The following NRAP variants were observed in gnomAD, a reference collection of about 807,000 sequenced individuals.
The protein encoded by NRAP is nebulin related anchoring protein, also known as nebulin-related-anchoring protein.
A neutral mutation model predicts 225.9 loss-of-function variants in NRAP; 189 were observed. That is an observed-to-expected ratio of 0.84 (90% CI 0.74 to 0.94). NRAP has a LOEUF of 0.94. Ranked by LOEUF, NRAP falls within the 40% of genes least tolerant of loss-of-function variation. NRAP has a pLI of 0.00. For synonymous variants in NRAP, 769 were observed against 790.7 expected (o/e 0.97, Z 0.46); for missense variants, 2,176 against 2,168.7 (o/e 1.00, Z -0.07).
At chr10:113,605,966 A>G in intron 33 of NRAP, 97 bp from the exon 34 acceptor site, 1 of 969,772 alleles carries the variant, frequency 1.0e-6, no homozygotes, top group Non-Finnish European at 1.6e-6. Context: ...TCCAGAATCA[A>G]TTTCTGTTTT....
chr10:113,616,420 A>G (rs1434072428), intron 26 of NRAP, among the ~76,000 whole-genome samples: 2 of 152,202 alleles, frequency 1.3e-5, no homozygotes, highest in Non-Finnish European at 2.9e-5. Context: ...GATGTATCCA[A>G]GTTTCTACGT....
chr10:113,659,188 C>G (rs566062306), intron 3 of NRAP, among the ~76,000 whole-genome samples: 1 of 151,890 alleles, frequency 6.6e-6, no homozygotes, highest in Non-Finnish European at 1.5e-5. Flanking sequence ...TTTGTTTGTT[C>G]GTTTTTTGTT....
intron 29 of NRAP, among the ~76,000 whole-genome samples, chr10:113,612,990 G>A (rs929481194): frequency 6.6e-6 from 1 of 152,146 alleles, no homozygotes; most frequent in Non-Finnish European, 1.5e-5. Flanking sequence ...AGAGGGAGGG[G>A]AAGACCCATT....
At chr10:113,622,258 G>GT in intron 23 of NRAP, 78 bp from the exon 24 acceptor site, 1 of 970,006 alleles carries the variant, frequency 1.0e-6, no homozygotes, top group Non-Finnish European at 1.6e-6. Flanking sequence ...ATGCATGGGA[G>GT]CTGAAACAAA....
At chr10:113,645,704 A>C (rs1849461622) in intron 11 of NRAP, 121 bp downstream of exon 11, 1 of 584,028 alleles carries the variant, frequency 1.7e-6, no homozygotes, top group Non-Finnish European at 3.0e-6. Context: ...GGCGTGAGCC[A>C]CCGCACCTGG....
intron 41 of NRAP, 37 bp from the exon 42 acceptor site, chr10:113,589,116 C>CT (rs1564686090): frequency 6.4e-7 from 1 of 1,563,722 alleles, no homozygotes; most frequent in Non-Finnish European, 8.8e-7. Flanking sequence ...TAAAATGAAG[C>CT]TCCCCCACCC....
At chr10:113,634,532 G>A (rs771961142) in intron 14 of NRAP, among the ~76,000 whole-genome samples, 14 of 152,172 alleles carry the variant, frequency 9.2e-5, no homozygotes, top group African/African-American at 1.4e-4. Context: ...CTGAAGAGCC[G>A]AAGTTAAAAC....
intron 25 of NRAP, among the ~76,000 whole-genome samples, chr10:113,618,281 A>G (rs928963160): frequency 1.7e-4 from 26 of 152,248 alleles, no homozygotes; most frequent in African/African-American, 6.0e-4. Flanking sequence ...AACCATAATT[A>G]CTTCAATGAG....
rs1161772232 is a variant in NRAP at position 113,588,840 on chromosome 10, GTTA to G, written c.*132_*134del. On this transcript the variant is annotated 3_prime_UTR_variant, in exon 42 of 42. Transcript: ENST00000359988. ...ACAACATTCTCCATCTGCTTTCAGA[GTTA>G]TTATTTTAATAAAGGAAGATCTGGG... The G allele has an allele frequency of 2.3e-5, 16 of 700,012 alleles. No homozygotes were observed. The highest frequency in any genetic ancestry group is 2.8e-4 in the Middle Eastern group (1 of 3,626). The allele number at this position is 700,012 out of a possible 1,614,324, so 43.4% of individuals were successfully genotyped here. A position where few individuals can be genotyped will look rare whatever the true frequency, so the allele number is the denominator to read the frequency against.
At chr10:113,600,678 C>T (rs533732637) in intron 35 of NRAP, among the ~76,000 whole-genome samples, 1 of 152,276 alleles carries the variant, frequency 6.6e-6, no homozygotes, top group South Asian at 2.1e-4. Context: ...GAGGCAAGAG[C>T]TAGAAGCCTC....
intron 27 of NRAP, among the ~76,000 whole-genome samples, chr10:113,615,390 C>T (rs780051244): frequency 4.7e-4 from 72 of 152,282 alleles, no homozygotes; most frequent in African/African-American, 1.6e-3. Flanking sequence ...CTTGGTATAG[C>T]CACTGGATAT....
intron 18 of NRAP, 70 bp from the exon 19 acceptor site, chr10:113,629,855 G>T: frequency 9.1e-7 from 1 of 1,103,826 alleles, no homozygotes; most frequent in Non-Finnish European, 1.4e-6. Flanking sequence ...ATGTGAAAAT[G>T]CAGGAAAGAT....
At chr10:113,592,331 G>A (rs766430023) in intron 38 of NRAP, 30 bp from the exon 39 acceptor site, 1 of 1,440,656 alleles carries the variant, frequency 6.9e-7, no homozygotes, top group South Asian at 1.2e-5. Context: ...GCATGAGTAA[G>A]CAGGCAGTCA....
At chr10:113,625,917 G>A in intron 21 of NRAP, 130 bp downstream of exon 21, 1 of 595,718 alleles carries the variant, frequency 1.7e-6, no homozygotes, top group South Asian at 2.4e-5. Flanking sequence ...GGAAAGCTGG[G>A]TCCAGCCTAT....
rs1200992385 is a variant in NRAP at position 113,654,069 on chromosome 10, T to C, written c.417A>G (p.Pro139=). Residue 139 remains proline (P), a synonymous_variant, in exon 5 of 42, where the codon CCA becomes CCG. Transcript: ENST00000359988. The part of the protein sequence containing the change: ...EGNAWCPGAL[P]DPEIVRMVEA... ...CAACCATCCTTACAATTTCGGGGTC[T>C]GGCAGAGCTCCTGGGCACCAAGCAT... is the stretch of plus-strand genomic sequence containing the variant. 1.2e-6 allele frequency: 2 copies of C among 1,613,680 alleles called. No individual in the cohort carries two copies. Among genetic ancestry groups the C allele is most frequent in the Non-Finnish European group, 1.7e-6 (2 of 1,179,738 alleles).
intron 14 of NRAP, among the ~76,000 whole-genome samples, chr10:113,634,646 G>A (rs566502020): frequency 3.0e-4 from 45 of 152,250 alleles, no homozygotes; most frequent in South Asian, 2.9e-3. Flanking sequence ...AAAACAGTAC[G>A]GCATTTGGGC....
At chr10:113,634,279 CA>C (rs1848737838) in intron 14 of NRAP, 69 bp from the exon 15 acceptor site, 6 of 1,131,824 alleles carry the variant, frequency 5.3e-6, no homozygotes, top group Non-Finnish European at 8.1e-6. Context: ...CTCCCTCTCC[CA>C]AGCCCAATAA....
chr10:113,619,666 C>T (rs1465090011), intron 25 of NRAP, among the ~76,000 whole-genome samples: 1 of 151,502 alleles, frequency 6.6e-6, no homozygotes, highest in Non-Finnish European at 1.5e-5. Context: ...AGCTAACAAC[C>T]TGTGGGACTA....
chr10:113,648,942 A>G lies in NRAP; in HGVS notation c.888+1095T>C, dbSNP rs550561262. ...GTAGATAGGATTGGCCAAATACAGG[A>G]CAAAATACTTTTTGCCAAATATAGA... On this transcript the variant is annotated intron_variant, in intron 9 of 41. Transcript: ENST00000359988. 2.0e-5 allele frequency among the ~76,000 whole-genome samples: 3 copies of G among 152,336 alleles called. No homozygotes were observed. In the East Asian group the frequency reaches 5.8e-4, roughly 29 times the overall value.
Sources: allele counts gnomAD v4.1 joint callset (sites outside exome capture counted in the v4.1 genomes callset), GRCh38; gene constraint gnomAD v4.1.1; transcripts MANE v1.5; gene names NCBI Gene and HGNC (gene_info 2026-07-23, HGNC 2026-07-21).